DPP10: variants seen among roughly 807,000 people sequenced by gnomAD.
DPP10 encodes inactive dipeptidyl peptidase 10.
In DPP10, 33 loss-of-function variants were observed where a neutral mutation model predicts 120.9. The ratio of observed to expected loss-of-function variants is 0.27; its 90% CI spans 0.21 to 0.37. DPP10 has a LOEUF of 0.37. Ranked by LOEUF, DPP10 falls within the 10% of genes least tolerant of loss-of-function variation. DPP10 has a pLI of 1.00. For missense variants in DPP10, 816 were observed against 942.8 expected (o/e 0.87, Z 1.76); for synonymous variants, 337 against 326.1 (o/e 1.03, Z -0.36).
At chr2:115,697,467 G>A (rs1451551712) in intron 7 of DPP10, among the ~76,000 whole-genome samples, 1 of 151,796 alleles carries the variant, frequency 6.6e-6, no homozygotes, top group Non-Finnish European at 1.5e-5. Context: ...ATCATAAACA[G>A]TTTTGAGAGA....
chr2:114,833,382 G>A (rs1449204004), intron 1 of DPP10: 1 of 151,696 alleles, frequency 6.6e-6, no homozygotes, highest in Admixed American at 6.6e-5. Flanking sequence ...CCAGGTTTCA[G>A]CTGATATATT....
intron 1 of DPP10, among the ~76,000 whole-genome samples, chr2:114,540,048 T>C (rs1686833446): frequency 6.6e-6 from 1 of 152,190 alleles, no homozygotes; most frequent in Non-Finnish European, 1.5e-5. Context: ...ATAATAGGAA[T>C]GGAAATCTAA....
At chr2:115,198,348 CT>C (rs949258766) in intron 1 of DPP10, among the ~76,000 whole-genome samples, 2 of 152,158 alleles carry the variant, frequency 1.3e-5, no homozygotes, top group Admixed American at 1.3e-4. Flanking sequence ...TATGGCACCA[CT>C]TTTGGTTGTG....
intron 2 of DPP10, among the ~76,000 whole-genome samples, chr2:115,316,908 AAC>A (rs1315207695): frequency 2.6e-5 from 4 of 152,044 alleles, no homozygotes; most frequent in Admixed American, 1.3e-4. Context: ...AGGAATTCAA[AAC>A]CATCCTGGGC....
chr2:115,282,005 A>G (rs1408862734), intron 1 of DPP10, among the ~76,000 whole-genome samples: 1 of 152,080 alleles, frequency 6.6e-6, no homozygotes, highest in African/African-American at 2.4e-5. Flanking sequence ...ATGCAATTGG[A>G]GTATATTCAT....
chr2:114,684,672 G>C (rs1266710258), intron 1 of DPP10, among the ~76,000 whole-genome samples: 1 of 151,964 alleles, frequency 6.6e-6, no homozygotes, highest in African/African-American at 2.4e-5. Flanking sequence ...CATTTTGCCG[G>C]ATGAGTCTGG....
At chr2:115,756,905 C>T (rs1439583884) in intron 11 of DPP10, among the ~76,000 whole-genome samples, 1 of 152,034 alleles carries the variant, frequency 6.6e-6, no homozygotes, top group African/African-American at 2.4e-5. Flanking sequence ...CAAAAGGAGG[C>T]TGAACTCGTC....
chr2:114,471,556 A>G (rs1462795486), intron 1 of DPP10, among the ~76,000 whole-genome samples: 1 of 152,220 alleles, frequency 6.6e-6, no homozygotes, highest in African/African-American at 2.4e-5. Flanking sequence ...TTTTGAAGAT[A>G]AATTCTATAA....
At chr2:114,895,901 A>G (rs374748808) in intron 1 of DPP10, among the ~76,000 whole-genome samples, 2 of 152,104 alleles carry the variant, frequency 1.3e-5, no homozygotes, top group East Asian at 3.9e-4. Context: ...ATCTTGAATT[A>G]ATTTTTGTAT....
chr2:115,239,568 T>C (rs965405382), intron 1 of DPP10, among the ~76,000 whole-genome samples: 7 of 152,214 alleles, frequency 4.6e-5, no homozygotes, highest in Non-Finnish European at 1.0e-4. Flanking sequence ...GATGTAATGC[T>C]GTTGCACACT....
chr2:115,300,301 C>T lies in DPP10; in HGVS notation c.61-8938C>T, dbSNP rs1195485947. Among the ~76,000 whole-genome samples, 5 of 152,026 alleles carry T rather than the reference C, an allele frequency of 3.3e-5. No homozygotes were observed. The East Asian group carries it at 5.8e-4, about 18-fold the overall frequency. On this transcript the variant is annotated intron_variant, in intron 1 of 25. Coordinates refer to ENST00000410059, the MANE Select transcript of DPP10 (RefSeq NM_020868.6). ...AAGTATTTGACTACTCGACGCACGTCGTTTAAGTGGAATGATACAGTATTT... is the reference window on the plus strand; with the variant it reads ...AAGTATTTGACTACTCGACGCACGTTGTTTAAGTGGAATGATACAGTATTT...
intron 8 of DPP10, among the ~76,000 whole-genome samples, chr2:115,731,131 C>T (rs1020912158): frequency 4.0e-5 from 6 of 151,844 alleles, no homozygotes; most frequent in Admixed American, 6.6e-5. Context: ...AGGCCAAGGC[C>T]GGTGGATCAT....
chr2:115,768,029 T>C (rs1681001613), intron 12 of DPP10, among the ~76,000 whole-genome samples: 1 of 152,170 alleles, frequency 6.6e-6, no homozygotes, highest in Admixed American at 6.6e-5. Context: ...AAAAAGTGTC[T>C]TTAGTCTGAT....
chr2:115,348,638 T>C (rs1477519648), intron 3 of DPP10, among the ~76,000 whole-genome samples: 2 of 152,172 alleles, frequency 1.3e-5, no homozygotes, highest in Non-Finnish European at 2.9e-5. Flanking sequence ...TTAAACTTTG[T>C]TTTCCACTGT....
intron 1 of DPP10, among the ~76,000 whole-genome samples, chr2:114,550,073 T>G (rs1260879068): frequency 2.0e-5 from 3 of 152,234 alleles, no homozygotes. Context: ...GAGCCCATTT[T>G]ATTCTTGCCC....
chr2:114,769,736 G>A (rs319854), intron 1 of DPP10, among the ~76,000 whole-genome samples: 86,014 of 151,970 alleles, frequency 0.57, 24,801 homozygotes, highest in African/African-American at 0.66. Flanking sequence ...TCATATGCAA[G>A]TGTATACATA....
intron 1 of DPP10, among the ~76,000 whole-genome samples, chr2:115,077,080 G>A (rs1707863960): frequency 2.0e-5 from 3 of 152,090 alleles, no homozygotes; most frequent in Admixed American, 1.3e-4. Context: ...CACCTCTACT[G>A]TCACTACTAA....
chr2:114,920,634 T>A (rs1259157761), intron 1 of DPP10, among the ~76,000 whole-genome samples: 3 of 152,208 alleles, frequency 2.0e-5, no homozygotes, highest in African/African-American at 7.2e-5. Context: ...CATTGTAATT[T>A]TTTTTTCTAG....
intron 1 of DPP10, among the ~76,000 whole-genome samples, chr2:115,113,209 G>A (rs959561755): frequency 6.0e-5 from 9 of 151,080 alleles, no homozygotes; most frequent in African/African-American, 2.2e-4. Context: ...TTTGGTGTTT[G>A]TTTTGTATGT....
Sources: gnomAD v4.1 joint callset for allele counts (sites outside exome capture counted in the v4.1 genomes callset) on GRCh38, gnomAD v4.1.1 for gene constraint, MANE v1.5 for transcripts, NCBI Gene and HGNC (gene_info 2026-07-23, HGNC 2026-07-21) for gene names.